NCAM2: variants seen among roughly 807,000 people sequenced by gnomAD.
NCAM2 encodes the protein neural cell adhesion molecule 2.
A neutral mutation model predicts 98.1 loss-of-function variants in NCAM2; 30 were observed. That is an observed-to-expected ratio of 0.31 (90% CI 0.23 to 0.41). NCAM2 has a LOEUF of 0.41. Ranked by LOEUF, NCAM2 falls within the 10% of genes least tolerant of loss-of-function variation. NCAM2 has a pLI of 1.00. For synonymous variants in NCAM2, 368 were observed against 342.4 expected (o/e 1.07, Z -0.83); for missense variants, 867 against 1,005.8 (o/e 0.86, Z 1.87).
chr21:21,109,697 T>C (rs1045410253), intron 1 of NCAM2, among the ~76,000 whole-genome samples: 2 of 152,202 alleles, frequency 1.3e-5, no homozygotes, highest in African/African-American at 4.8e-5. Context: ...TGTAAATATA[T>C]AGTCAAACTG....
At chr21:21,390,343 A>G (rs894678376) in intron 9 of NCAM2, among the ~76,000 whole-genome samples, 2 of 152,138 alleles carry the variant, frequency 1.3e-5, no homozygotes, top group African/African-American at 2.4e-5. Flanking sequence ...GAGCTTTATA[A>G]TATCAAGGAG....
intron 14 of NCAM2, 110 bp from the exon 15 acceptor site, chr21:21,477,181 G>T (rs1415782994): frequency 2.6e-6 from 2 of 761,860 alleles, no homozygotes; most frequent in Admixed American, 3.6e-5. Context: ...TATGAAAATT[G>T]TTCCAATATC....
intron 17 of NCAM2, among the ~76,000 whole-genome samples, chr21:21,536,256 A>G (rs915526413): frequency 1.3e-5 from 2 of 152,112 alleles, no homozygotes; most frequent in African/African-American, 2.4e-5. Flanking sequence ...TTTGATCTGC[A>G]GAATGTTTTA....
intron 1 of NCAM2, among the ~76,000 whole-genome samples, chr21:21,073,256 C>T (rs1457869135): frequency 6.6e-6 from 1 of 152,106 alleles, no homozygotes; most frequent in East Asian, 1.9e-4. Context: ...TTCACCAAGA[C>T]TTCCTTTTAA....
chr21:21,201,511 A>T (rs1313423648), intron 1 of NCAM2, among the ~76,000 whole-genome samples: 7 of 152,188 alleles, frequency 4.6e-5, no homozygotes, highest in African/African-American at 1.7e-4. Context: ...GACAATAGTG[A>T]TATGTTTGTG....
intron 1 of NCAM2, among the ~76,000 whole-genome samples, chr21:21,130,281 A>G (rs968526782): frequency 3.3e-5 from 5 of 152,212 alleles, no homozygotes; most frequent in African/African-American, 7.2e-5. Flanking sequence ...ACAACTGGAA[A>G]TCATGCAAAG....
chr21:21,068,516 G>T (rs1387735604), intron 1 of NCAM2, among the ~76,000 whole-genome samples: 12 of 147,774 alleles, frequency 8.1e-5, no homozygotes. Context: ...CTGGAGTGCA[G>T]TGGCGCAATC....
intron 1 of NCAM2, among the ~76,000 whole-genome samples, chr21:21,207,822 G>A (rs1478350731): frequency 6.6e-6 from 1 of 152,048 alleles, no homozygotes; most frequent in Non-Finnish European, 1.5e-5. Flanking sequence ...CATAAAAATT[G>A]GCTGACCACT....
intron 1 of NCAM2, among the ~76,000 whole-genome samples, chr21:21,039,657 A>G (rs2064865623): frequency 6.6e-6 from 1 of 152,218 alleles, no homozygotes; most frequent in African/African-American, 2.4e-5. Flanking sequence ...TAATATTTAA[A>G]TAATCATTTG....
At chr21:21,252,623 A>T (rs1334079620) in intron 1 of NCAM2, among the ~76,000 whole-genome samples, 1 of 152,124 alleles carries the variant, frequency 6.6e-6, no homozygotes, top group African/African-American at 2.4e-5. Context: ...GCAGTTTTAT[A>T]TCAAGCAGCT....
At chr21:21,159,769 G>GTA (rs1429772703) in intron 1 of NCAM2, among the ~76,000 whole-genome samples, 3 of 151,730 alleles carry the variant, frequency 2.0e-5, no homozygotes, top group African/African-American at 4.8e-5. Context: ...CTCTCTCTCT[G>GTA]TATATATATG....
chr21:21,278,545 T>G (rs1440831257), intron 1 of NCAM2, among the ~76,000 whole-genome samples: 1 of 152,192 alleles, frequency 6.6e-6, no homozygotes, highest in Non-Finnish European at 1.5e-5. Context: ...CTTTCTGACT[T>G]GCACTTTTAT....
intron 8 of NCAM2, among the ~76,000 whole-genome samples, chr21:21,349,832 A>G (rs1191946976): frequency 6.6e-6 from 1 of 152,194 alleles, no homozygotes; most frequent in Non-Finnish European, 1.5e-5. Context: ...AAAGATAAAC[A>G]TCACATGTTC....
intron 1 of NCAM2, among the ~76,000 whole-genome samples, chr21:21,167,715 C>T (rs954285234): frequency 6.6e-6 from 1 of 152,094 alleles, no homozygotes; most frequent in Non-Finnish European, 1.5e-5. Flanking sequence ...AATTTTATAA[C>T]CTACACAGAA....
At chr21:21,126,412 G>A (rs939311737) in intron 1 of NCAM2, among the ~76,000 whole-genome samples, 3 of 151,638 alleles carry the variant, frequency 2.0e-5, no homozygotes, top group African/African-American at 7.3e-5. Flanking sequence ...ATATGCACAG[G>A]TATGTACATT....
At chr21:21,348,353 T>C (rs2075244333) in intron 8 of NCAM2, among the ~76,000 whole-genome samples, 1 of 152,010 alleles carries the variant, frequency 6.6e-6, no homozygotes, top group Non-Finnish European at 1.5e-5. Flanking sequence ...CCATTTGCAA[T>C]AGCTGCACAT....
At chr21:21,064,198 T>C (rs955960218) in intron 1 of NCAM2, among the ~76,000 whole-genome samples, 2 of 152,090 alleles carry the variant, frequency 1.3e-5, no homozygotes, top group African/African-American at 4.8e-5. Context: ...GGGGGCAAGG[T>C]TCATGCCAGC....
intron 8 of NCAM2, among the ~76,000 whole-genome samples, chr21:21,357,822 G>C (rs531594975): frequency 6.6e-6 from 1 of 151,838 alleles, no homozygotes; most frequent in Non-Finnish European, 1.5e-5. Flanking sequence ...AAAAAGCGAA[G>C]AACAAATGTC....
chr21:21,048,353 C>T lies in NCAM2; in HGVS notation c.55+49735C>T, dbSNP rs542931101. Among the ~76,000 whole-genome samples the T allele has an allele frequency of 1.3e-4, 19 of 151,996 alleles. 1 individual carries two copies. Among genetic ancestry groups the T allele is most frequent in the South Asian group, 4.2e-4 (2 of 4,818 alleles). ...GTTGTCCCCCCTTTCTGAACCAACC[C>T]GATGTATTTTTTTTTTTGAGACGGA... On this transcript the variant is annotated intron_variant, in intron 1 of 17. Transcript: ENST00000400546.
Sources: gnomAD v4.1 joint callset for allele counts (sites outside exome capture counted in the v4.1 genomes callset) on GRCh38, gnomAD v4.1.1 for gene constraint, MANE v1.5 for transcripts, NCBI Gene and HGNC (gene_info 2026-07-23, HGNC 2026-07-21) for gene names.